Variants in DNAH1 observed in about 807,000 individuals in gnomAD.
DNAH1 encodes axonemal beta dynein heavy chain 1.
In DNAH1, 327 loss-of-function variants were observed where a neutral mutation model predicts 484.3. That is an observed-to-expected ratio of 0.68 (90% CI 0.62 to 0.74). DNAH1 has a LOEUF of 0.74. Ranked by LOEUF, DNAH1 falls within the 30% of genes least tolerant of loss-of-function variation. The pLI is 0.00. For synonymous variants in DNAH1, 2,192 were observed against 2,191.9 expected (o/e 1.00, Z 0.00); for missense variants, 5,052 against 5,546.8 (o/e 0.91, Z 2.83).
chr3:52,375,457 G>A (rs1438907482), intron 45 of DNAH1, 44 bp downstream of exon 45: 2 of 1,582,580 alleles, frequency 1.3e-6, no homozygotes, highest in African/African-American at 1.3e-5. Context: ...CAGAAGCCCA[G>A]GCCAGGGAGG....
Position 52,368,981 on chromosome 3 carries a change from A to C in DNAH1, c.5943+63A>C. On this transcript the variant is annotated intron_variant, in intron 37 of 77. Transcript: ENST00000420323. This position sits in a 1 kb window ranked among gnomAD's most constrained non-coding sequence, Gnocchi z 4.4. ...GCTGGGTGGGCCTGGAGGCTGCATCATGCTGGCCAAACTCTGCCCCCTCAC... is the reference window on the plus strand; with the variant it reads ...GCTGGGTGGGCCTGGAGGCTGCATCCTGCTGGCCAAACTCTGCCCCCTCAC... 2 of 1,573,968 alleles carry C rather than the reference A, an allele frequency of 1.3e-6. No homozygotes were observed. The highest frequency in any genetic ancestry group is 1.7e-6 in the Non-Finnish European group (2 of 1,149,496).
intron 53 of DNAH1, 37 bp downstream of exon 53, chr3:52,385,014 G>C: frequency 6.3e-7 from 1 of 1,586,062 alleles, no homozygotes; most frequent in Non-Finnish European, 8.6e-7. Context: ...AAGGTCAGCT[G>C]CCTGCAGGCT....
rs533258607 is a variant in DNAH1 at position 52,358,745 on chromosome 3, G to A, written c.4266+8G>A. 32 of 1,611,074 alleles carry A rather than the reference G, an allele frequency of 2.0e-5. No individual in the cohort carries two copies. Among genetic ancestry groups the A allele is most frequent in the Non-Finnish European group, 2.5e-5 (29 of 1,179,282 alleles). ...ATCAGGGCCTACCCCACGGTGAGCC[G>A]CCCGCAGCCCGTGCAGCCTTCCACC... On this transcript the variant is annotated splice_region_variant and intron_variant, in intron 25 of 77. Coordinates refer to ENST00000420323, the MANE Select transcript of DNAH1 (RefSeq NM_015512.5). This position sits in a 1 kb window ranked among gnomAD's most constrained non-coding sequence, Gnocchi z 4.2.
chr3:52,370,134 T>C lies in DNAH1; in HGVS notation c.6163T>C (p.Ser2055Pro), dbSNP rs1448248293. 1 of 1,613,954 alleles carries C rather than the reference T, an allele frequency of 6.2e-7. No individual in the cohort carries two copies. Among genetic ancestry groups the C allele is most frequent in the South Asian group, 1.1e-5 (1 of 91,084 alleles). ...GGAATCCATCTCCTTCGTTCGGTCC[T>C]CAGTGAAGGAGGTGATCGCCTCAAC... The part of the protein sequence containing the change: ...LEESISFVRS[S>P]VKEVIASTNC... Residue 2055 changes from serine to proline, a missense_variant, in exon 39 of 78, where the codon TCA becomes CCA. Transcript: ENST00000420323.
At chr3:52,375,517 C>G (rs1578169577) in intron 45 of DNAH1, 104 bp downstream of exon 45, 1 of 1,275,974 alleles carries the variant, frequency 7.8e-7, no homozygotes. Flanking sequence ...AGTGGCCAAA[C>G]CATGACCGCA....
At chr3:52,389,234 C>G (rs1578194886) in intron 59 of DNAH1, among the ~76,000 whole-genome samples, 1 of 152,248 alleles carries the variant, frequency 6.6e-6, no homozygotes, top group East Asian at 1.9e-4. Flanking sequence ...ATTTAATCCT[C>G]ATAGCCGCCA....
rs372804755 is a variant in DNAH1 at position 52,399,604 on chromosome 3, T to C, written c.12501T>C (p.His4167=). 9.3e-6 allele frequency: 15 copies of C among 1,613,858 alleles called. 1 individual carries two copies. The Middle Eastern group carries it at 4.9e-4, about 53-fold the overall frequency. Residue 4167 remains histidine, a synonymous_variant, in exon 77 of 78, where the codon CAT becomes CAC. Transcript: ENST00000420323. ...TQRPQVGCYI[H]GLFLEGARWD... ...GACCCCAAGTAGGGTGCTATATCCA[T>C]GGATTATTCCTGGAAGGTGCCCGCT...
rs767712789 is a variant in DNAH1 at position 52,370,788 on chromosome 3, C to T, written c.6488C>T (p.Thr2163Ile). Residue 2163 changes from threonine (T) to isoleucine (I), a missense_variant, in exon 41 of 78, where the codon ACC becomes ATC. By Grantham distance (89) the Thr-to-Ile change is moderately conservative. This residue lies in a region of DNAH1 where 2,929 missense variants were observed against 3,409.4 expected (regional missense o/e 0.86). Transcript: ENST00000420323. ...YRLEDAGISG[T>I]NDSEDEEEEY... is the part of the protein sequence containing the mutation. The stretch of plus-strand genomic sequence containing the variant: ...CTGGAGGACGCGGGCATCAGTGGCA[C>T]CAACGACAGTGAGGATGAAGAGGAG... 2.7e-5 allele frequency: 43 copies of T among 1,606,650 alleles called. No homozygotes were observed. In the South Asian group the frequency reaches 3.7e-4, roughly 14 times the overall value.
intron 45 of DNAH1, 57 bp from the exon 46 acceptor site, chr3:52,375,898 T>G (rs543490188): frequency 6.3e-7 from 1 of 1,599,900 alleles, no homozygotes; most frequent in East Asian, 2.3e-5. Context: ...CTGGCCAGGG[T>G]GAGCAGCAAG....
At chr3:52,391,673 C>T (rs1225623938) in intron 63 of DNAH1, 70 bp downstream of exon 63, 9 of 1,572,204 alleles carry the variant, frequency 5.7e-6, no homozygotes, top group Admixed American at 3.4e-5. Context: ...TCCTCTCCCA[C>T]CCCCAGGCCG....
At chr3:52,319,450 G>A (rs138555212) in intron 1 of DNAH1, among the ~76,000 whole-genome samples, 24 of 152,338 alleles carry the variant, frequency 1.6e-4, no homozygotes, top group Admixed American at 7.2e-4. Context: ...GATACTCTCA[G>A]TTCCCACCTC....
rs1559556330 is a variant in DNAH1 at position 52,383,489 on chromosome 3, T to C, written c.8045T>C (p.Met2682Thr). The change falls in exon 51 of 78, where the codon ATG becomes ACG. Residue 2682 changes from methionine (M) to threonine (T), a missense_variant. Coordinates refer to ENST00000420323, the MANE Select transcript of DNAH1 (RefSeq NM_015512.5). ...GAGCAGGACCAGATCGTCAGCACCA[T>C]GCGGCCCTATATCCAGGAGCAGGGC... ...ADEQDQIVST[M>T]RPYIQEQGLQ... 4 of 1,613,956 alleles carry C rather than the reference T, an allele frequency of 2.5e-6. No homozygotes were observed. The highest frequency in any genetic ancestry group is 1.6e-4 in the Middle Eastern group (1 of 6,062).
chr3:52,330,266 C>G (rs908349825), intron 6 of DNAH1, among the ~76,000 whole-genome samples: 2 of 152,174 alleles, frequency 1.3e-5, no homozygotes, highest in Non-Finnish European at 2.9e-5. Flanking sequence ...CAAAGTCGCT[C>G]CTGCCCTTAG....
chr3:52,356,029 C>T (rs1702595549), intron 21 of DNAH1, among the ~76,000 whole-genome samples: 1 of 152,256 alleles, frequency 6.6e-6, no homozygotes, highest in Non-Finnish European at 1.5e-5. Flanking sequence ...ACACTGCTGA[C>T]TGTGACCCCC....
In DNAH1 at chr3:52,353,613, A is replaced by C. The variant is rs544674332; in HGVS notation, c.3460A>C (p.Lys1154Gln). ...CAGCAAGGTGGCTGAGGTGGCTGGC[A>C]AGGAGTACGCCATCGAGCAGGTGGG... is the stretch of plus-strand genomic sequence containing the variant. ...SISKVAEVAG[K>Q]EYAIEQALDK... Residue 1154 changes from lysine (K) to glutamine (Q), a missense_variant, in exon 20 of 78, where the codon AAG (lysine) becomes CAG (glutamine). By Grantham distance (53) the Lys-to-Gln change is moderately conservative. Transcript: ENST00000420323. The surrounding 1 kb of genome is among the most constrained non-coding windows in gnomAD (Gnocchi z 5.0). 11 of 1,602,168 alleles carry C rather than the reference A, an allele frequency of 6.9e-6. No homozygotes were observed. The highest frequency in any genetic ancestry group is 3.3e-4 in the Middle Eastern group (2 of 6,074).
In DNAH1 at chr3:52,349,371, C is replaced by T. The variant is rs1487914841; in HGVS notation, c.2477C>T (p.Thr826Ile). 3.7e-6 allele frequency: 6 copies of T among 1,613,932 alleles called. No homozygotes were observed. The highest frequency in any genetic ancestry group is 5.1e-6 in the Non-Finnish European group (6 of 1,179,918). ...SLSKKRKALA[T>I]SVLDILAKNL... ...TCCAAGAAACGCAAGGCCCTGGCCA[C>T]TTCCGTGCTGGACATCCTTGCCAAG... Residue 826 changes from threonine (T) to isoleucine (I), a missense_variant, in exon 14 of 78, where the codon ACT (threonine) becomes ATT (isoleucine). Physicochemically the swap from Thr to Ile is moderately conservative, Grantham distance 89 (BLOSUM62 -1). Coordinates refer to ENST00000420323, the MANE Select transcript of DNAH1 (RefSeq NM_015512.5).
intron 63 of DNAH1, among the ~76,000 whole-genome samples, chr3:52,391,869 T>A (rs1704406043): frequency 1.3e-5 from 2 of 152,124 alleles, no homozygotes; most frequent in African/African-American, 4.8e-5. Context: ...AGCACCAGCC[T>A]CACCTCCTCC....
Position 52,352,098 on chromosome 3 carries a change from C to A in DNAH1, c.2866C>A (p.Leu956Met). 6.3e-7 allele frequency: 1 copy of A among 1,576,538 alleles called. No individual in the cohort carries two copies. ...CAACTTCCAAGAGAAGCTGGAAGGG[C>A]TGCAGGTGGGGCACAGCTGCAGGCT... is the stretch of plus-strand genomic sequence containing the variant. ...QNNFQEKLEG[L>M]QLVVAGFSIH... Residue 956 changes from leucine to methionine, a missense_variant, in exon 17 of 78, where the codon CTG becomes ATG. Transcript: ENST00000420323.
intron 39 of DNAH1, 51 bp downstream of exon 39, chr3:52,370,280 G>T: frequency 6.3e-7 from 1 of 1,590,226 alleles, no homozygotes; most frequent in South Asian, 1.1e-5. Flanking sequence ...TCCCCACACT[G>T]CTCTCCTTGC....
Sources: gnomAD v4.1 joint callset for allele counts (sites outside exome capture counted in the v4.1 genomes callset) on GRCh38, gnomAD v4.1.1 for gene constraint, gnomAD v4.1.1 regional missense constraint, Gnocchi (gnomAD v3.1) non-coding constraint, MANE v1.5 for transcripts, NCBI Gene and HGNC (gene_info 2026-07-23, HGNC 2026-07-21) for gene names.